Variants in EIF4G2 observed in about 807,000 individuals in gnomAD.
EIF4G2 encodes the protein DAP-5.
In EIF4G2, 8 loss-of-function variants were observed where a neutral mutation model predicts 117.7. The observed-to-expected ratio is 0.07, with a 90% CI of 0.04 to 0.12. The LOEUF (loss-of-function observed/expected upper bound fraction) is 0.12. Ranked by LOEUF, EIF4G2 falls within the 10% of genes least tolerant of loss-of-function variation. The pLI is 1.00. For missense variants in EIF4G2, 812 were observed against 1,086.2 expected, an observed-to-expected ratio of 0.75 and a Z score of 3.55; for synonymous variants, 413 against 367.8, an observed-to-expected ratio of 1.12 and a Z score of -1.41.
intron 1 of EIF4G2, 152 bp downstream of exon 1, chr11:10,808,553 C>G (rs548476763): frequency 3.6e-6 from 4 of 1,117,934 alleles, no homozygotes; most frequent in East Asian, 9.7e-5. Flanking sequence ...CCAAGACTTT[C>G]CAGGTATCTG....
chr11:10,804,118 T>G lies in EIF4G2; in HGVS notation c.550+19A>C. The stretch of plus-strand genomic sequence containing the variant: ...GCTGAAAATATACAGTAGTACTTAT[T>G]ATCAGCTATAAGTCTTACCATCAAC... On this transcript the variant is annotated intron_variant, in intron 7 of 21. Transcript: ENST00000339995. The G allele has an allele frequency of 6.2e-7, 1 of 1,613,894 alleles. No individual in the cohort carries two copies. The highest frequency in any genetic ancestry group is 1.3e-5 in the African/African-American group (1 of 75,010).
chr11:10,806,728 C>G, intron 3 of EIF4G2, 92 bp downstream of exon 3: 1 of 1,403,602 alleles, frequency 7.1e-7, no homozygotes, highest in Non-Finnish European at 1.0e-6. Flanking sequence ...GATTAGGAGT[C>G]TTGATGGCTA....
In EIF4G2 at chr11:10,799,007, G is replaced by C; in HGVS notation, c.2643C>G (p.Gly881=). Residue 881 remains glycine (G), a synonymous_variant, in exon 21 of 22, where the codon GGC becomes GGG. Transcript: ENST00000339995. The stretch of plus-strand genomic sequence containing the variant: ...AAAGACTTACCTGGAACAAAGCCTT[G>C]CCTTTTCCCGGAAACTCTTGGGTTA... 1 of 1,600,174 alleles carries C rather than the reference G, an allele frequency of 6.2e-7. No individual in the cohort carries two copies. The highest frequency in any genetic ancestry group is 1.1e-5 in the South Asian group (1 of 88,320).
In EIF4G2 at chr11:10,803,451, T is replaced by A; in HGVS notation, c.813+29A>T. 1 of 1,596,608 alleles carries A rather than the reference T, an allele frequency of 6.3e-7. No individual in the cohort carries two copies. The highest frequency in any genetic ancestry group is 8.6e-7 in the Non-Finnish European group (1 of 1,164,702). On this transcript the variant is annotated intron_variant, in intron 9 of 21. Transcript: ENST00000339995. The surrounding 1 kb of genome is among the most constrained non-coding windows in gnomAD (Gnocchi z 4.0). ...TAGCTTGATTTAAAGACAAACTACT[T>A]GTACTACTTTCATCAGCTACACACG... is the stretch of plus-strand genomic sequence containing the variant.
At chr11:10,801,380 T>C (rs1261044460) in intron 14 of EIF4G2, 1 of 627,082 alleles carries the variant, frequency 1.6e-6, no homozygotes, top group African/African-American at 1.8e-5. Flanking sequence ...AATGCCCTGT[T>C]TTATCCTTAG....
chr11:10,807,997 G>C, intron 1 of EIF4G2: 1 of 1,043,634 alleles, frequency 9.6e-7, no homozygotes, highest in Non-Finnish European at 1.2e-6. Context: ...TTAGGGAAGT[G>C]CTTCCGACAA....
At chr11:10,808,255 G>A (rs1343134601) in intron 1 of EIF4G2, 18 of 1,183,988 alleles carry the variant, frequency 1.5e-5, no homozygotes, top group Non-Finnish European at 1.8e-5. Flanking sequence ...GGCAGCCCCT[G>A]CCGACTCCAG....
At position 10,803,699 on chromosome 11, in the gene EIF4G2, CTAGTA is replaced by C; in HGVS notation, c.703-114_703-110del. ...GACTCATTCACAGTTCCTACAGAAT[CTAGTA>C]TAGGGCTTTCTACCAGTCTGGTTGA... On this transcript the variant is annotated intron_variant, in intron 8 of 21. Coordinates refer to ENST00000339995, the MANE Select transcript of EIF4G2 (RefSeq NM_001418.4). This position sits in a 1 kb window ranked among gnomAD's most constrained non-coding sequence, Gnocchi z 4.0. The C allele has an allele frequency of 8.6e-7, 1 of 1,162,716 alleles. No individual in the cohort carries two copies. The highest frequency in any genetic ancestry group is 1.2e-6 in the Non-Finnish European group (1 of 802,744). 72.0% of individuals were successfully genotyped at this position (1,162,716 alleles called of 1,614,324 possible). A position where few individuals can be genotyped will look rare whatever the true frequency, so the allele number is the denominator to read the frequency against.
rs1432725733 is a variant in EIF4G2, at chr11:10,802,220, A to G, written c.1139-11T>C. On this transcript the variant is annotated splice_polypyrimidine_tract_variant and intron_variant, in intron 12 of 21. Transcript: ENST00000339995. The stretch of plus-strand genomic sequence containing the variant: ...TACCAATTCCGCTACCTTAAAATAC[A>G]TATACGGACAACTCTCAAAACTAAA... 1.1e-5 allele frequency: 18 copies of G among 1,612,698 alleles called. No homozygotes were observed. Among genetic ancestry groups the G allele is most frequent in the Non-Finnish European group, 1.5e-5 (18 of 1,179,184 alleles).
At chr11:10,804,813 C>A (rs1432099381) in intron 5 of EIF4G2, 100 bp downstream of exon 5, 3 of 980,370 alleles carry the variant, frequency 3.1e-6, no homozygotes, top group Middle Eastern at 2.1e-4. Context: ...TAACTCACAC[C>A]TAAGGGTTTT....
At chr11:10,808,312 G>T in intron 1 of EIF4G2, 1 of 1,212,738 alleles carries the variant, frequency 8.2e-7, no homozygotes, top group Non-Finnish European at 1.0e-6. Context: ...GGACGCCTGC[G>T]GTTCCCTGGT....
In EIF4G2 at chr11:10,799,009, CT is replaced by C; in HGVS notation, c.2640del (p.Gly881AlafsTer7). The C allele has an allele frequency of 1.9e-6, 3 of 1,600,662 alleles. No homozygotes were observed. Among genetic ancestry groups the C allele is most frequent in the Admixed American group, 1.8e-5 (1 of 55,590 alleles). On this transcript the variant is annotated frameshift_variant, in exon 21 of 22. Transcript: ENST00000339995. LOFTEE classifies it high-confidence loss of function. ...AGACTTACCTGGAACAAAGCCTTGC[CT>C]TTTCCCGGAAACTCTTGGGTTATAT...
At chr11:10,805,154 A>G in intron 4 of EIF4G2, 139 bp from the exon 5 acceptor site, 1 of 677,818 alleles carries the variant, frequency 1.5e-6, no homozygotes, top group East Asian at 2.7e-5. Context: ...CTCATCTAAA[A>G]CCAAAGGGAT....
rs1051096160 is a variant in EIF4G2 at position 10,807,894 on chromosome 11, G to A, written c.-86-513C>T. 5 of 1,009,060 alleles carry A rather than the reference G, an allele frequency of 5.0e-6. No homozygotes were observed. In the African/African-American group the frequency reaches 7.0e-5, roughly 14 times the overall value. 62.5% of individuals were successfully genotyped at this position (1,009,060 alleles called of 1,614,324 possible). ...ACAGGACTAGCACTTGCAGGCGGAA[G>A]ACCAGGGCCACAACATGGCAGCAGG... is the stretch of plus-strand genomic sequence containing the variant. On this transcript the variant is annotated intron_variant, in intron 1 of 21. Coordinates refer to ENST00000339995, the MANE Select transcript of EIF4G2 (RefSeq NM_001418.4).
At position 10,800,844 on chromosome 11, in the gene EIF4G2, C is replaced by G. The variant is rs765687407; in HGVS notation, c.1540-9G>C. The stretch of plus-strand genomic sequence containing the variant: ...AGACCAAGCTGAGGTGTCTAAAAAA[C>G]AAGCAATGACAGACTTTTTTTAAAA... On this transcript the variant is annotated splice_polypyrimidine_tract_variant and intron_variant, in intron 15 of 21. Transcript: ENST00000339995. 1.7e-5 allele frequency: 27 copies of G among 1,612,988 alleles called. No individual in the cohort carries two copies. The South Asian group carries it at 2.6e-4, about 16-fold the overall frequency.
intron 2 of EIF4G2, 117 bp from the exon 3 acceptor site, chr11:10,807,002 A>T: frequency 7.7e-7 from 1 of 1,291,082 alleles, no homozygotes; most frequent in Non-Finnish European, 1.1e-6. Flanking sequence ...TATTTTGCCC[A>T]GACTGGAGCC....
Position 10,802,578 on chromosome 11 carries a change from C to G in EIF4G2, c.997-143G>C. 6.6e-6 allele frequency: 8 copies of G among 1,205,170 alleles called. No individual in the cohort carries two copies. In the South Asian group the frequency reaches 6.9e-5, roughly 10 times the overall value. The allele number at this position is 1,205,170 out of a possible 1,614,324, so 74.7% of individuals were successfully genotyped here. A position where few individuals can be genotyped will look rare whatever the true frequency, so the allele number is the denominator to read the frequency against. ...TGTAAATAACTTCTTCCAAAAATGGCAGACAAGGCTGGGCATGATGGCTCA... is the reference window on the plus strand; with the variant it reads ...TGTAAATAACTTCTTCCAAAAATGGGAGACAAGGCTGGGCATGATGGCTCA... On this transcript the variant is annotated intron_variant, in intron 11 of 21. Transcript: ENST00000339995.
chr11:10,802,827 A>G (rs1847466458), intron 11 of EIF4G2, among the ~76,000 whole-genome samples: 1 of 152,258 alleles, frequency 6.6e-6, no homozygotes, highest in African/African-American at 2.4e-5. Context: ...AGAATGCGCC[A>G]CTGCACTCCA....
intron 5 of EIF4G2, 159 bp downstream of exon 5, chr11:10,804,754 T>C (rs1376077079): frequency 1.2e-5 from 8 of 646,168 alleles, no homozygotes; most frequent in African/African-American, 1.8e-5. Flanking sequence ...GCTACTAAAG[T>C]CAGTGGTTCT....
Sources: gnomAD v4.1 joint callset for allele counts (sites outside exome capture counted in the v4.1 genomes callset) on GRCh38, gnomAD v4.1.1 for gene constraint, Gnocchi (gnomAD v3.1) non-coding constraint, MANE v1.5 for transcripts, NCBI Gene and HGNC (gene_info 2026-07-23, HGNC 2026-07-21) for gene names.